THSD7A: variants seen among roughly 807,000 people sequenced by gnomAD.
THSD7A encodes thrombospondin type-1 domain-containing protein 7A.
A neutral mutation model predicts 231.3 loss-of-function variants in THSD7A; 96 were observed. That is an observed-to-expected ratio of 0.41 (90% CI 0.35 to 0.49). The LOEUF (loss-of-function observed/expected upper bound fraction) is 0.49. THSD7A is among the 20% of genes least tolerant of loss of function. The pLI, the probability that THSD7A is intolerant of heterozygous loss-of-function variation, is 0.05. For synonymous variants in THSD7A, 940 were observed against 743.3 expected, an observed-to-expected ratio of 1.26 and a Z score of -4.30; for missense variants, 2,290 against 2,070.2, an observed-to-expected ratio of 1.11 and a Z score of -2.06.
chr7:11,815,819 C>T (rs1381049889), intron 1 of THSD7A, among the ~76,000 whole-genome samples: 2 of 152,152 alleles, frequency 1.3e-5, no homozygotes, highest in Non-Finnish European at 2.9e-5. Context: ...TATGAAAAGA[C>T]TGTGTCATCC....
chr7:11,569,241 G>C (rs749058122), intron 4 of THSD7A, among the ~76,000 whole-genome samples: 1 of 152,154 alleles, frequency 6.6e-6, no homozygotes, highest in Non-Finnish European at 1.5e-5. Flanking sequence ...AGAGTGAAGA[G>C]ACAACCTCTG....
At chr7:11,567,949 G>A (rs1790435514) in intron 4 of THSD7A, among the ~76,000 whole-genome samples, 1 of 151,878 alleles carries the variant, frequency 6.6e-6, no homozygotes, top group Non-Finnish European at 1.5e-5. Context: ...TACTATTAAT[G>A]AGTCCTTACA....
At chr7:11,574,617 T>C (rs1790804664) in intron 4 of THSD7A, among the ~76,000 whole-genome samples, 1 of 150,118 alleles carries the variant, frequency 6.7e-6, no homozygotes, top group Non-Finnish European at 1.5e-5. Context: ...TTTTTTTTTT[T>C]AGTAGAGATG....
chr7:11,383,401 A>G (rs550337088), intron 23 of THSD7A, among the ~76,000 whole-genome samples: 3 of 152,168 alleles, frequency 2.0e-5, no homozygotes, highest in African/African-American at 7.2e-5. Flanking sequence ...TATTCAAACA[A>G]TGCTCTGAAG....
At chr7:11,486,614 T>C (rs1367961934) in intron 6 of THSD7A, among the ~76,000 whole-genome samples, 1 of 152,162 alleles carries the variant, frequency 6.6e-6, no homozygotes, top group Non-Finnish European at 1.5e-5. Context: ...TTTTCTTCTT[T>C]AGTCTCTCTG....
Position 11,543,221 on chromosome 7 carries a change from G to A in THSD7A, c.1454-104C>T, listed in dbSNP as rs1325819228. 4 of 958,108 alleles carry A rather than the reference G, an allele frequency of 4.2e-6. No individual in the cohort carries two copies. In the Admixed American group the frequency reaches 1.0e-4, roughly 25 times the overall value. 59.4% of individuals were successfully genotyped at this position (958,108 alleles called of 1,614,324 possible). ...ATGGAAAAGGAAAATCCTTAAAGAA[G>A]TGCTACCAAGACATTATTCCAATGC... On this transcript the variant is annotated intron_variant, in intron 4 of 27. Coordinates refer to ENST00000423059, the MANE Select transcript of THSD7A (RefSeq NM_015204.3).
At position 11,401,975 on chromosome 7, in the gene THSD7A, A is replaced by G; in HGVS notation, c.4238-7T>C. The G allele has an allele frequency of 1.2e-6, 2 of 1,609,642 alleles. No homozygotes were observed. Among genetic ancestry groups the G allele is most frequent in the Non-Finnish European group, 1.7e-6 (2 of 1,178,172 alleles). On this transcript the variant is annotated splice_polypyrimidine_tract_variant and splice_region_variant and intron_variant, in intron 22 of 27. Coordinates refer to ENST00000423059, the MANE Select transcript of THSD7A (RefSeq NM_015204.3). Reference sequence around the variant, plus strand: ...TCCTTCAAATAACAGTCACCTGTAAAACACATATTTGTAATTTACACCCAT... The same window carrying G: ...TCCTTCAAATAACAGTCACCTGTAAGACACATATTTGTAATTTACACCCAT...
intron 1 of THSD7A, among the ~76,000 whole-genome samples, chr7:11,697,538 A>G (rs1202492961): frequency 6.6e-6 from 1 of 151,224 alleles, no homozygotes; most frequent in Non-Finnish European, 1.5e-5. Flanking sequence ...CAAATATGAG[A>G]GATTATATTG....
At chr7:11,666,257 G>A (rs1226707978) in intron 1 of THSD7A, among the ~76,000 whole-genome samples, 1 of 151,900 alleles carries the variant, frequency 6.6e-6, no homozygotes, top group Non-Finnish European at 1.5e-5. Context: ...TATCTTGGTG[G>A]TAGAACCCAT....
At chr7:11,398,096 T>C (rs1174925835) in intron 23 of THSD7A, among the ~76,000 whole-genome samples, 1 of 152,214 alleles carries the variant, frequency 6.6e-6, no homozygotes, top group Admixed American at 6.5e-5. Context: ...TTTATATTTA[T>C]TGCAGCACTG....
chr7:11,737,952 G>A (rs1430062622), intron 1 of THSD7A, among the ~76,000 whole-genome samples: 1 of 151,938 alleles, frequency 6.6e-6, no homozygotes, highest in South Asian at 2.1e-4. Flanking sequence ...GTGGAGTTGG[G>A]AAAATGGTAA....
At chr7:11,726,581 T>C (rs1781555955) in intron 1 of THSD7A, among the ~76,000 whole-genome samples, 1 of 152,044 alleles carries the variant, frequency 6.6e-6, no homozygotes. Flanking sequence ...CTTTCCCCTT[T>C]TGCATTAACT....
intron 1 of THSD7A, among the ~76,000 whole-genome samples, chr7:11,646,996 G>A (rs933102679): frequency 2.6e-5 from 4 of 152,024 alleles, no homozygotes; most frequent in Non-Finnish European, 5.9e-5. Flanking sequence ...ACCTTCTGAG[G>A]AGATTTATGA....
intron 6 of THSD7A, among the ~76,000 whole-genome samples, chr7:11,535,396 T>C (rs1788872992): frequency 1.3e-5 from 2 of 152,162 alleles, no homozygotes; most frequent in African/African-American, 4.8e-5. Context: ...CAAAATAAAA[T>C]GGTGATTACT....
intron 6 of THSD7A, among the ~76,000 whole-genome samples, chr7:11,510,316 C>T (rs182031172): frequency 3.9e-4 from 60 of 152,244 alleles, no homozygotes; most frequent in Non-Finnish European, 6.5e-4. Flanking sequence ...CTGGACCAGA[C>T]GGATTCACAG....
chr7:11,787,773 A>C (rs1248438570), intron 1 of THSD7A, among the ~76,000 whole-genome samples: 1 of 152,070 alleles, frequency 6.6e-6, no homozygotes, highest in Non-Finnish European at 1.5e-5. Flanking sequence ...TAAGGACGTA[A>C]AACAAGGGGA....
In THSD7A at chr7:11,529,437, C is replaced by T. The variant is rs540422533; in HGVS notation, c.1822+11982G>A. ...TGATATGGTTTGCGTGTGTCCCGAC[C>T]CAAATCTCATCTTGAATTGTAATCT... On this transcript the variant is annotated intron_variant, in intron 6 of 27. Transcript: ENST00000423059. Among the ~76,000 whole-genome samples, 9 of 152,094 alleles carry T rather than the reference C, an allele frequency of 5.9e-5. No homozygotes were observed. The East Asian group carries it at 1.5e-3, about 26-fold the overall frequency.
At chr7:11,772,179 T>G (rs187938330) in intron 1 of THSD7A, among the ~76,000 whole-genome samples, 2 of 150,668 alleles carry the variant, frequency 1.3e-5, no homozygotes, top group Admixed American at 1.3e-4. Flanking sequence ...CTCACACCAG[T>G]CAGAATTATT....
intron 1 of THSD7A, among the ~76,000 whole-genome samples, chr7:11,669,513 G>T (rs919192998): frequency 6.6e-6 from 1 of 151,874 alleles, no homozygotes; most frequent in African/African-American, 2.4e-5. Flanking sequence ...AGTGTGAAGA[G>T]AATTCCAATA....
Sources: gnomAD v4.1 joint callset for allele counts (sites outside exome capture counted in the v4.1 genomes callset) on GRCh38, gnomAD v4.1.1 for gene constraint, MANE v1.5 for transcripts, NCBI Gene and HGNC (gene_info 2026-07-23, HGNC 2026-07-21) for gene names.